MCTP1: variants seen among roughly 807,000 people sequenced by gnomAD.
MCTP1 encodes the protein multiple C2 and transmembrane domain containing 1, also known as multiple C2 and transmembrane domain-containing protein 1.
In MCTP1, 69 loss-of-function variants were observed where a neutral mutation model predicts 120.6. The observed-to-expected ratio is 0.57, with a 90% CI of 0.47 to 0.70. The LOEUF (loss-of-function observed/expected upper bound fraction) is 0.70, where lower values mean the gene tolerates loss of function less well. MCTP1 is among the 30% of genes least tolerant of loss of function. The probability of loss-of-function intolerance (pLI) is 0.00; values close to 1 mark genes in which losing one functional copy is unlikely to be tolerated. For synonymous variants in MCTP1, 529 were observed against 493.1 expected, an observed-to-expected ratio of 1.07 and a Z score of -0.96; for missense variants, 1,203 against 1,248.8, an observed-to-expected ratio of 0.96 and a Z score of 0.55.
chr5:94,794,271 T>A (rs1434321638), intron 18 of MCTP1, among the ~76,000 whole-genome samples: 1 of 152,246 alleles, frequency 6.6e-6, no homozygotes, highest in African/African-American at 2.4e-5. Flanking sequence ...AATTTTTGAA[T>A]TTATTCACAA....
intron 1 of MCTP1, among the ~76,000 whole-genome samples, chr5:95,126,788 T>C (rs562501632): frequency 6.6e-6 from 1 of 152,312 alleles, no homozygotes; most frequent in South Asian, 2.1e-4. Context: ...AAGGCTTTTT[T>C]TTCAATTAAT....
intron 1 of MCTP1, among the ~76,000 whole-genome samples, chr5:95,201,481 T>G (rs1336381800): frequency 1.9e-4 from 1 of 5,170 alleles, no homozygotes; most frequent in Non-Finnish European, 4.9e-4. Context: ...TTTTTTTTTT[T>G]TTTTTTTTTT....
intron 12 of MCTP1, among the ~76,000 whole-genome samples, chr5:94,877,064 G>A (rs1799042789): frequency 6.6e-6 from 1 of 151,852 alleles, no homozygotes. Context: ...GGAGAAGGAG[G>A]CATGCTATTC....
intron 2 of MCTP1, among the ~76,000 whole-genome samples, chr5:94,954,047 C>CAT (rs1175647686): frequency 1.4e-5 from 1 of 72,402 alleles, no homozygotes; most frequent in South Asian, 3.8e-4. Context: ...TATATATATG[C>CAT]ATATATATAC....
At chr5:94,708,776 T>C in intron 21 of MCTP1, 167 bp from the exon 22 acceptor site, 1 of 547,078 alleles carries the variant, frequency 1.8e-6, no homozygotes, top group Non-Finnish European at 3.3e-6. Context: ...CAACTGCTTT[T>C]TTTACTTGTA....
intron 1 of MCTP1, among the ~76,000 whole-genome samples, chr5:95,245,804 C>T (rs575866988): frequency 1.3e-5 from 2 of 152,274 alleles, no homozygotes; most frequent in South Asian, 2.1e-4. Flanking sequence ...GGCAGGCCAA[C>T]ATTCAAATTC....
At chr5:94,774,718 A>T (rs530125552) in intron 19 of MCTP1, among the ~76,000 whole-genome samples, 1 of 152,324 alleles carries the variant, frequency 6.6e-6, no homozygotes, top group Non-Finnish European at 1.5e-5. Context: ...GCAATTTGTT[A>T]TGCAGCAATA....
chr5:95,122,664 G>A (rs1758330350), intron 1 of MCTP1, among the ~76,000 whole-genome samples: 1 of 152,150 alleles, frequency 6.6e-6, no homozygotes. Flanking sequence ...CAAAGAGAAA[G>A]GAATTCAGTA....
At chr5:95,123,794 C>T (rs1169678570) in intron 1 of MCTP1, among the ~76,000 whole-genome samples, 11 of 152,114 alleles carry the variant, frequency 7.2e-5, no homozygotes, top group South Asian at 2.1e-4. Flanking sequence ...GGACTACAGG[C>T]GCCCGCCACT....
intron 17 of MCTP1, among the ~76,000 whole-genome samples, chr5:94,837,468 C>G (rs1790054514): frequency 6.6e-6 from 1 of 152,150 alleles, no homozygotes; most frequent in Non-Finnish European, 1.5e-5. Context: ...TTATGGATCC[C>G]TAGACAAATT....
At chr5:94,781,492 C>T (rs1356532903) in intron 18 of MCTP1, among the ~76,000 whole-genome samples, 12 of 152,140 alleles carry the variant, frequency 7.9e-5, no homozygotes, top group Admixed American at 7.9e-4. Context: ...CCTGGAAGGA[C>T]TTATACCTAA....
intron 17 of MCTP1, among the ~76,000 whole-genome samples, chr5:94,849,654 T>C (rs1286114864): frequency 6.6e-6 from 1 of 152,094 alleles, no homozygotes; most frequent in African/African-American, 2.4e-5. Flanking sequence ...GGATCAAAAT[T>C]GGACAGATAG....
chr5:94,899,552 C>G (rs1204212950), intron 10 of MCTP1, among the ~76,000 whole-genome samples: 1 of 152,244 alleles, frequency 6.6e-6, no homozygotes, highest in Non-Finnish European at 1.5e-5. Flanking sequence ...GGAAGCCACA[C>G]TGTGAAGATT....
chr5:95,238,150 C>T (rs529632099), intron 1 of MCTP1, among the ~76,000 whole-genome samples: 1 of 152,258 alleles, frequency 6.6e-6, no homozygotes, highest in South Asian at 2.1e-4. Context: ...GAGAAAGTCA[C>T]AAGAATTGAC....
chr5:95,105,320 G>T (rs1282486144), intron 1 of MCTP1, among the ~76,000 whole-genome samples: 1 of 152,142 alleles, frequency 6.6e-6, no homozygotes, highest in Non-Finnish European at 1.5e-5. Context: ...GCTTCTACTT[G>T]GCCTGACCTC....
chr5:95,166,734 A>AT (rs1226399448), intron 1 of MCTP1, among the ~76,000 whole-genome samples: 21 of 151,466 alleles, frequency 1.4e-4, no homozygotes, highest in Non-Finnish European at 2.4e-4. Context: ...CGCCTGGCTA[A>AT]TTTTTTGTAT....
rs551981544 is a variant in MCTP1 at position 95,012,006 on chromosome 5, T to C, written c.838+5361A>G. 1.1e-4 allele frequency among the ~76,000 whole-genome samples: 16 copies of C among 152,224 alleles called. No homozygotes were observed. The South Asian group carries it at 3.3e-3, about 32-fold the overall frequency. On this transcript the variant is annotated intron_variant, in intron 2 of 22. Coordinates refer to ENST00000515393, the MANE Select transcript of MCTP1 (RefSeq NM_024717.7). ...AAACCATTTCTCCAGGAGCCTTGAT[T>C]ACTTTTATTGGGGAAATTGTATTGA... is the stretch of plus-strand genomic sequence containing the variant.
chr5:95,284,025 G>A lies in MCTP1; in HGVS notation c.551C>T (p.Ala184Val). ...GTGCGCCCCGGGGCCCTGACGCCGTGCACCCTCATCTCGGGCGCGGTCCCC... is the reference window on the plus strand; with the variant it reads ...GTGCGCCCCGGGGCCCTGACGCCGTACACCCTCATCTCGGGCGCGGTCCCC... Reference protein sequence around the residue: ...PRGDRARDEGARRQGPGAHLC... With the variant: ...PRGDRARDEGVRRQGPGAHLC... The change falls in exon 1 of 23, where the codon GCA becomes GTA. Residue 184 changes from alanine (A) to valine (V), a missense_variant. Ala to Val is a moderately conservative substitution (Grantham distance 64, BLOSUM62 0). Coordinates refer to ENST00000515393, the MANE Select transcript of MCTP1 (RefSeq NM_024717.7). This position sits in a 1 kb window ranked among gnomAD's most constrained non-coding sequence, Gnocchi z 5.2. The A allele has an allele frequency of 3.3e-6, 5 of 1,502,322 alleles. No homozygotes were observed. The highest frequency in any genetic ancestry group is 3.5e-6 in the Non-Finnish European group (4 of 1,128,634). 93.1% of individuals were successfully genotyped at this position (1,502,322 alleles called of 1,614,324 possible). A position where few individuals can be genotyped will look rare whatever the true frequency, so the allele number is the denominator to read the frequency against.
intron 7 of MCTP1, among the ~76,000 whole-genome samples, chr5:94,922,392 T>C (rs1223324528): frequency 6.6e-6 from 1 of 152,160 alleles, no homozygotes; most frequent in Non-Finnish European, 1.5e-5. Context: ...CAAATCTTCA[T>C]TCACAATGAC....
Sources: gnomAD v4.1 joint callset for allele counts (sites outside exome capture counted in the v4.1 genomes callset) on GRCh38, gnomAD v4.1.1 for gene constraint, Gnocchi (gnomAD v3.1) non-coding constraint, MANE v1.5 for transcripts, NCBI Gene and HGNC (gene_info 2026-07-23, HGNC 2026-07-21) for gene names.